DYNC1H1: variants seen among roughly 807,000 people sequenced by gnomAD.
The protein encoded by DYNC1H1 is cytoplasmic dynein 1 heavy chain 1.
In DYNC1H1, 51 loss-of-function variants were observed where a neutral mutation model predicts 527.1. The ratio of observed to expected loss-of-function variants is 0.10; its 90% CI spans 0.08 to 0.12. The LOEUF is 0.12. DYNC1H1 is among the 10% of genes least tolerant of loss of function. The probability of loss-of-function intolerance (pLI) is 1.00; values close to 1 mark genes in which losing one functional copy is unlikely to be tolerated. For synonymous variants in DYNC1H1, 2,189 were observed against 2,278.8 expected, an observed-to-expected ratio of 0.96 and a Z score of 1.12; for missense variants, 2,771 against 5,971.8, an observed-to-expected ratio of 0.46 and a Z score of 17.66.
Position 102,036,195 on chromosome 14 carries a change from G to C in DYNC1H1, c.10755-294G>C. 1 of 392,204 alleles carries C rather than the reference G, an allele frequency of 2.5e-6. No homozygotes were observed. The highest frequency in any genetic ancestry group is 4.9e-6 in the Non-Finnish European group (1 of 205,228). 24.3% of individuals were successfully genotyped at this position (392,204 alleles called of 1,614,324 possible). ...TAAACATGAAAAAGCTATTCTAACA[G>C]TGCAGGATGCTGAGAGGATGATTGT... On this transcript the variant is annotated intron_variant, in intron 56 of 77. Coordinates refer to ENST00000360184, the MANE Select transcript of DYNC1H1 (RefSeq NM_001376.5). The surrounding 1 kb of genome is among the most constrained non-coding windows in gnomAD (Gnocchi z 5.6).
chr14:102,022,571 G>A (rs958480832), intron 42 of DYNC1H1, among the ~76,000 whole-genome samples, 180 bp from the exon 43 acceptor site: 1 of 152,020 alleles, frequency 6.6e-6, no homozygotes, highest in Non-Finnish European at 1.5e-5. Context: ...TAAAATTTCA[G>A]GTTGCCTAAG....
chr14:102,046,798 G>A (rs946928806), intron 72 of DYNC1H1, among the ~76,000 whole-genome samples: 31 of 142,890 alleles, frequency 2.2e-4, no homozygotes, highest in African/African-American at 7.4e-4. Flanking sequence ...TGCTGGTTCC[G>A]TTTTTTTTTT....
chr14:102,000,735 C>A, intron 18 of DYNC1H1: 1 of 527,182 alleles, frequency 1.9e-6, no homozygotes, highest in Non-Finnish European at 3.4e-6. Flanking sequence ...CCACCACGCC[C>A]GGCTAATTTT....
At chr14:102,014,335 A>G (rs2048294767) in intron 34 of DYNC1H1, among the ~76,000 whole-genome samples, 1 of 152,106 alleles carries the variant, frequency 6.6e-6, no homozygotes, top group Non-Finnish European at 1.5e-5. Context: ...GGAGTTTGAG[A>G]CCAACCTGAC....
Position 102,044,901 on chromosome 14 carries a change from A to C in DYNC1H1, c.13006+203A>C. 1 of 621,166 alleles carries C rather than the reference A, an allele frequency of 1.6e-6. No individual in the cohort carries two copies. The highest frequency in any genetic ancestry group is 2.8e-6 in the Non-Finnish European group (1 of 352,454). 38.5% of individuals were successfully genotyped at this position (621,166 alleles called of 1,614,324 possible). On this transcript the variant is annotated intron_variant, in intron 72 of 77. Transcript: ENST00000360184. This position sits in a 1 kb window ranked among gnomAD's most constrained non-coding sequence, Gnocchi z 7.1. ...CTAGCTCCACTCCGAGGGGAGGCAGAGGAAAGAACTGGCTCTTCTCTGCAG... is the reference window on the plus strand; with the variant it reads ...CTAGCTCCACTCCGAGGGGAGGCAGCGGAAAGAACTGGCTCTTCTCTGCAG...
chr14:102,025,746 C>CTG (rs2048442293), intron 43 of DYNC1H1, among the ~76,000 whole-genome samples: 1 of 152,064 alleles, frequency 6.6e-6, no homozygotes, highest in African/African-American at 2.4e-5. Flanking sequence ...CATAGTTTCC[C>CTG]TGTGTGCATA....
intron 43 of DYNC1H1, among the ~76,000 whole-genome samples, chr14:102,025,932 G>A (rs1210211134): frequency 5.3e-5 from 8 of 152,032 alleles, no homozygotes; most frequent in Non-Finnish European, 2.9e-5. Context: ...CCTGGCCAAC[G>A]TGGTGAAACC....
Position 102,015,397 on chromosome 14 carries a change from G to A in DYNC1H1, c.7242+65G>A, listed in dbSNP as rs1038984126. 101 of 1,510,602 alleles carry A rather than the reference G, an allele frequency of 6.7e-5. No individual in the cohort carries two copies. The highest frequency in any genetic ancestry group is 8.0e-5 in the Admixed American group (4 of 50,120). 93.6% of individuals were successfully genotyped at this position (1,510,602 alleles called of 1,614,324 possible). A position where few individuals can be genotyped will look rare whatever the true frequency, so the allele number is the denominator to read the frequency against. ...TGCTAGGATATTCAGATGTGGTCTC[G>A]CTGTGTTGCCCACGCTGGTCTTGAA... On this transcript the variant is annotated intron_variant, in intron 35 of 77. Transcript: ENST00000360184. The surrounding 1 kb of genome is among the most constrained non-coding windows in gnomAD (Gnocchi z 6.9).
At position 102,010,406 on chromosome 14, in the gene DYNC1H1, C is replaced by G. The variant is rs2048244623; in HGVS notation, c.6352C>G (p.Arg2118Gly). The change falls in exon 31 of 78, where the codon CGA (arginine) becomes GGA (glycine). Residue 2118 changes from arginine (R) to glycine (G), a missense_variant. By Grantham distance (125) the Arg-to-Gly change is moderately radical (BLOSUM62 -2). This residue lies in a region of DYNC1H1 where 56 missense variants were observed against 140.6 expected (regional missense o/e 0.40). Transcript: ENST00000360184. The surrounding 1 kb of genome is among the most constrained non-coding windows in gnomAD (Gnocchi z 6.0). ...IQKIKREKEE[R>G]GEAVDEGEIA... ...GAAGATAAAGAGGGAGAAAGAGGAA[C>G]GAGGGGAAGCAGTTGATGAAGGAGA... 1 of 1,613,934 alleles carries G rather than the reference C, an allele frequency of 6.2e-7. No homozygotes were observed. Among genetic ancestry groups the G allele is most frequent in the Non-Finnish European group, 8.5e-7 (1 of 1,180,018 alleles).
At position 102,017,125 on chromosome 14, in the gene DYNC1H1, A is replaced by C; in HGVS notation, c.7886A>C (p.Glu2629Ala). Residue 2629 changes from glutamate (E) to alanine (A), a missense_variant, in exon 39 of 78, where the codon GAG becomes GCG. Glu to Ala is a moderately radical substitution (Grantham distance 107). Transcript: ENST00000360184. The surrounding 1 kb of genome is among the most constrained non-coding windows in gnomAD (Gnocchi z 4.6). ...AACTTCTCCAGTGCTACTACTCCAG[A>C]GCTGCTTCTGAAGACTTTTGATCAC... ...GLNFSSATTP[E>A]LLLKTFDHYC... The C allele has an allele frequency of 6.2e-7, 1 of 1,614,220 alleles. No individual in the cohort carries two copies. The highest frequency in any genetic ancestry group is 8.5e-7 in the Non-Finnish European group (1 of 1,180,044).
At position 102,039,579 on chromosome 14, in the gene DYNC1H1, G is replaced by A. The variant is rs373863364; in HGVS notation, c.11595+33G>A. 2.1e-5 allele frequency: 34 copies of A among 1,614,116 alleles called. No individual in the cohort carries two copies. Among genetic ancestry groups the A allele is most frequent in the East Asian group, 1.8e-4 (8 of 44,896 alleles). On this transcript the variant is annotated intron_variant, in intron 61 of 77. Transcript: ENST00000360184. The surrounding 1 kb of genome is among the most constrained non-coding windows in gnomAD (Gnocchi z 7.0). ...GAGGTCCTCAGCCGCTCCCTGGCGG[G>A]GGGGAAGCAGGGTGCTGCTTCTCTT...
rs141104656 is a variant in DYNC1H1 at position 102,015,069 on chromosome 14, C to T, written c.7015-36C>T. The T allele has an allele frequency of 6.5e-4, 1,054 of 1,610,266 alleles. 10 individuals are homozygous for T. The African/African-American group carries it at 0.011, about 17-fold the overall frequency. ...CTTAATGTCCAGGTTTCTTCCAAAC[C>T]TATGTCATTAAATCTGCTTAATGTT... On this transcript the variant is annotated intron_variant, in intron 34 of 77. Coordinates refer to ENST00000360184, the MANE Select transcript of DYNC1H1 (RefSeq NM_001376.5). The surrounding 1 kb of genome is among the most constrained non-coding windows in gnomAD (Gnocchi z 6.9).
At position 102,049,436 on chromosome 14, in the gene DYNC1H1, G is replaced by T; in HGVS notation, c.13373-4G>T. Reference sequence around the variant, plus strand: ...ACCCTGGGCTCTGTGTGCCTTGGCTGCAGGGATCTTGCCTCGGAGCTGGTC... The same window carrying T: ...ACCCTGGGCTCTGTGTGCCTTGGCTTCAGGGATCTTGCCTCGGAGCTGGTC... On this transcript the variant is annotated splice_region_variant and splice_polypyrimidine_tract_variant and intron_variant, in intron 74 of 77. Coordinates refer to ENST00000360184, the MANE Select transcript of DYNC1H1 (RefSeq NM_001376.5). The surrounding 1 kb of genome is among the most constrained non-coding windows in gnomAD (Gnocchi z 5.5). 2 of 1,614,006 alleles carry T rather than the reference G, an allele frequency of 1.2e-6. No individual in the cohort carries two copies. The highest frequency in any genetic ancestry group is 2.2e-5 in the East Asian group (1 of 44,886).
Position 102,042,575 on chromosome 14 carries a change from G to A in DYNC1H1, c.12400-60G>A. ...ACTGTGCTGTCGGCACGTGTGTGGTGGAATTGAACAGGCGCCCTCATCCAC... is the reference window on the plus strand; with the variant it reads ...ACTGTGCTGTCGGCACGTGTGTGGTAGAATTGAACAGGCGCCCTCATCCAC... On this transcript the variant is annotated intron_variant, in intron 68 of 77. Coordinates refer to ENST00000360184, the MANE Select transcript of DYNC1H1 (RefSeq NM_001376.5). This position sits in a 1 kb window ranked among gnomAD's most constrained non-coding sequence, Gnocchi z 5.7. The A allele has an allele frequency of 1.9e-6, 3 of 1,613,710 alleles. No individual in the cohort carries two copies. Among genetic ancestry groups the A allele is most frequent in the South Asian group, 1.1e-5 (1 of 91,020 alleles).
Position 102,012,738 on chromosome 14 carries a change from A to C in DYNC1H1, c.7014+268A>C, listed in dbSNP as rs562881007. 8.2e-4 allele frequency: 409 copies of C among 500,382 alleles called. 1 individual carries two copies. Among genetic ancestry groups the C allele is most frequent in the Non-Finnish European group, 1.4e-4 (38 of 277,272 alleles). The allele number at this position is 500,382 out of a possible 1,614,324, so 31.0% of individuals were successfully genotyped here. ...CTCTATGATTATCAGTTAACCCTGT[A>C]TGGTGGGGTTGTCGTTAAGGTTTCT... On this transcript the variant is annotated intron_variant, in intron 34 of 77. Coordinates refer to ENST00000360184, the MANE Select transcript of DYNC1H1 (RefSeq NM_001376.5). This position sits in a 1 kb window ranked among gnomAD's most constrained non-coding sequence, Gnocchi z 4.9.
rs191575771 is a variant in DYNC1H1, at chr14:101,997,386, A to C, written c.3804+112A>C. On this transcript the variant is annotated intron_variant, in intron 16 of 77. Coordinates refer to ENST00000360184, the MANE Select transcript of DYNC1H1 (RefSeq NM_001376.5). The surrounding 1 kb of genome is among the most constrained non-coding windows in gnomAD (Gnocchi z 4.8). Reference sequence around the variant, plus strand: ...GTGACTGAGCTTTCTAGTATTGAAGACTCTTTTCCTTTTTGTAGTTAAAAA... The same window carrying C: ...GTGACTGAGCTTTCTAGTATTGAAGCCTCTTTTCCTTTTTGTAGTTAAAAA... The C allele has an allele frequency of 1.3e-6, 2 of 1,543,912 alleles. No homozygotes were observed. Among genetic ancestry groups the C allele is most frequent in the Non-Finnish European group, 1.8e-6 (2 of 1,140,378 alleles).
chr14:102,026,921 A>G (rs1052873961), intron 44 of DYNC1H1: 4 of 783,176 alleles, frequency 5.1e-6, no homozygotes, highest in Non-Finnish European at 8.3e-6. Context: ...AGCACTGCAT[A>G]CCTGCCATAA....
Position 102,047,796 on chromosome 14 carries a change from G to C in DYNC1H1, c.13007-21G>C. 1.9e-6 allele frequency: 3 copies of C among 1,612,324 alleles called. No homozygotes were observed. The South Asian group carries it at 3.3e-5, about 18-fold the overall frequency. On this transcript the variant is annotated intron_variant, in intron 72 of 77. Coordinates refer to ENST00000360184, the MANE Select transcript of DYNC1H1 (RefSeq NM_001376.5). ...CCGTCCCCTCCCTCCTTCCTGCTGC[G>C]ACTGTGGGACTGTGGCCCAGGTGTG...
Position 102,015,820 on chromosome 14 carries a change from G to T in DYNC1H1, c.7243-36G>T. On this transcript the variant is annotated intron_variant, in intron 35 of 77. Coordinates refer to ENST00000360184, the MANE Select transcript of DYNC1H1 (RefSeq NM_001376.5). This position sits in a 1 kb window ranked among gnomAD's most constrained non-coding sequence, Gnocchi z 6.9. ...AATCGATGAAACTCGCCTGCCTTTT[G>T]AAAGATAGTTAAGTATCACTCCTTC... 6.2e-7 allele frequency: 1 copy of T among 1,610,672 alleles called. No individual in the cohort carries two copies. The highest frequency in any genetic ancestry group is 8.5e-7 in the Non-Finnish European group (1 of 1,177,870).
Sources: gnomAD v4.1 joint callset for allele counts (sites outside exome capture counted in the v4.1 genomes callset) on GRCh38, gnomAD v4.1.1 for gene constraint, gnomAD v4.1.1 regional missense constraint, Gnocchi (gnomAD v3.1) non-coding constraint, MANE v1.5 for transcripts, NCBI Gene and HGNC (gene_info 2026-07-23, HGNC 2026-07-21) for gene names.